Variants in RBL1 observed in about 807,000 individuals in gnomAD.
RBL1 encodes the protein retinoblastoma-like protein 1.
Under a neutral mutation model 123.0 loss-of-function variants are expected in RBL1, and 82 were observed. The observed-to-expected ratio is 0.67, with a 90% CI of 0.56 to 0.80. The LOEUF (loss-of-function observed/expected upper bound fraction) is 0.80, where lower values mean the gene tolerates loss of function less well. RBL1 is among the 30% of genes least tolerant of loss of function. RBL1 has a pLI of 0.00. For synonymous variants in RBL1, 405 were observed against 441.3 expected (o/e 0.92, Z 1.03); for missense variants, 1,171 against 1,299.6 (o/e 0.90, Z 1.52).
chr20:37,078,693 C>A (rs1345457716), intron 2 of RBL1, among the ~76,000 whole-genome samples: 1 of 152,090 alleles, frequency 6.6e-6, no homozygotes, highest in Non-Finnish European at 1.5e-5. Flanking sequence ...GATGACACTT[C>A]TAAGAGATGC....
chr20:37,043,238 C>A (rs979856266), intron 13 of RBL1, among the ~76,000 whole-genome samples: 5 of 151,560 alleles, frequency 3.3e-5, no homozygotes, highest in Admixed American at 3.3e-4. Context: ...CCTCTAATCC[C>A]AGCACTTTGG....
At chr20:37,047,283 C>A in intron 11 of RBL1, 93 bp from the exon 12 acceptor site, 1 of 1,422,010 alleles carries the variant, frequency 7.0e-7, no homozygotes, top group South Asian at 1.4e-5. Flanking sequence ...GAAAAAATAA[C>A]GTGCAAATTA....
chr20:37,048,341 G>C (rs1023755174), intron 11 of RBL1, among the ~76,000 whole-genome samples: 1 of 152,138 alleles, frequency 6.6e-6, no homozygotes, highest in African/African-American at 2.4e-5. Flanking sequence ...GTCTCCACAG[G>C]AATCTACAGG....
chr20:37,085,065 C>T (rs1351954085), intron 2 of RBL1, among the ~76,000 whole-genome samples: 1 of 151,786 alleles, frequency 6.6e-6, no homozygotes, highest in Non-Finnish European at 1.5e-5. Context: ...CTGCGCCTGG[C>T]CAGAAGAAAT....
At position 36,997,084 on chromosome 20, in the gene RBL1, CAT is replaced by C. The variant is rs1209670231; in HGVS notation, c.*1673_*1674del. On this transcript the variant is annotated 3_prime_UTR_variant, in exon 22 of 22. Coordinates refer to ENST00000373664, the MANE Select transcript of RBL1 (RefSeq NM_002895.5). ...CAAAATTAAGGTTTGCAGTTAGAAA[CAT>C]AAACATTTGATAAAACTTCTCAAAA... The C allele has an allele frequency of 2.0e-5, 3 of 152,290 alleles. No individual in the cohort carries two copies. The highest frequency in any genetic ancestry group is 7.2e-5 in the African/African-American group (3 of 41,564). 9.4% of individuals were successfully genotyped at this position (152,290 alleles called of 1,614,324 possible). A position where few individuals can be genotyped will look rare whatever the true frequency, so the allele number is the denominator to read the frequency against.
At chr20:37,001,081 T>G (rs1156376274) in intron 21 of RBL1, among the ~76,000 whole-genome samples, 1 of 129,656 alleles carries the variant, frequency 7.7e-6, no homozygotes, top group Admixed American at 8.0e-5. Context: ...GGCGGGGAGG[T>G]CAGCCCCCCG....
intron 7 of RBL1, among the ~76,000 whole-genome samples, chr20:37,063,304 G>A (rs1257685675): frequency 2.0e-5 from 3 of 151,860 alleles, no homozygotes; most frequent in Non-Finnish European, 4.4e-5. Flanking sequence ...GCCTCCCAAA[G>A]TGCTAGGATT....
chr20:37,085,647 AT>A lies in RBL1; in HGVS notation c.290+3341del, dbSNP rs1202673380. ...AGTTTGTTTCATTATTTGAAATTTG[AT>A]TTTTTTTTTTTTTTTTTTTTTTTGA... On this transcript the variant is annotated intron_variant, in intron 2 of 21. Coordinates refer to ENST00000373664, the MANE Select transcript of RBL1 (RefSeq NM_002895.5). Among the ~76,000 whole-genome samples, 793 of 84,582 alleles carry A rather than the reference AT, an allele frequency of 9.4e-3. 2 individuals are homozygous for A. Among genetic ancestry groups the A allele is most frequent in the African/African-American group, 0.03 (630 of 21,212 alleles). 55.5% of individuals were successfully genotyped at this position (84,582 alleles called of 152,430 possible).
chr20:37,068,788 C>A (rs2065225716), intron 2 of RBL1, among the ~76,000 whole-genome samples: 1 of 152,192 alleles, frequency 6.6e-6, no homozygotes, highest in Admixed American at 6.5e-5. Flanking sequence ...ACAGCCTGAG[C>A]AACATGAAGA....
chr20:37,003,761 C>T lies in RBL1; in HGVS notation c.2977G>A (p.Gly993Arg), dbSNP rs370852796. 114 of 1,613,904 alleles carry T rather than the reference C, an allele frequency of 7.1e-5. No homozygotes were observed. The highest frequency in any genetic ancestry group is 9.0e-5 in the Non-Finnish European group (106 of 1,179,964). The change falls in exon 21 of 22, where the codon GGG becomes AGG. Residue 993 changes from glycine (G) to arginine (R), a missense_variant. By Grantham distance (125) the Gly-to-Arg change is moderately radical. Coordinates refer to ENST00000373664, the MANE Select transcript of RBL1 (RefSeq NM_002895.5). The part of the protein sequence containing the change: ...HSIYISPHKN[G>R]SGLTPRSALL... ...GCGCTTCTTGGTGTAAGGCCTGACC[C>T]ATTCTTGTGCGGGGAAATATAAATG...
At chr20:37,065,583 G>A in intron 6 of RBL1, 110 bp from the exon 7 acceptor site, 1 of 625,344 alleles carries the variant, frequency 1.6e-6, no homozygotes, top group South Asian at 2.7e-5. Flanking sequence ...ACACAAAACA[G>A]AATTATTAAA....
intron 11 of RBL1, among the ~76,000 whole-genome samples, chr20:37,055,309 G>GAA (rs59560599): frequency 3.5e-4 from 29 of 83,900 alleles, no homozygotes; most frequent in East Asian, 7.3e-4. Context: ...ATGAAGGACA[G>GAA]AAAAAAAAAA....
chr20:37,001,522 T>C (rs879382412), intron 21 of RBL1, among the ~76,000 whole-genome samples: 1,046 of 144,834 alleles, frequency 7.2e-3, no homozygotes, highest in Non-Finnish European at 0.01. Context: ...GGATTAAGGG[T>C]GGTGCAAGAT....
chr20:37,029,242 A>C (rs532703490), intron 16 of RBL1, among the ~76,000 whole-genome samples: 189 of 152,310 alleles, frequency 1.2e-3, no homozygotes, highest in African/African-American at 4.4e-3. Context: ...CTTGGTATAC[A>C]CAGGAGATTT....
rs2064828979 is a variant in RBL1, at chr20:37,047,122, G to A, written c.1536C>T (p.Ala512=). ...AAGGAAAAGTACGAGGTGAGCTATA[G>A]GCAAAGAGCACAATTTCCAAACAAC... ...MACCLEIVLF[A]YSSPRTFPWI... Residue 512 remains alanine (A), a synonymous_variant, in exon 12 of 22, where the codon GCC becomes GCT. Transcript: ENST00000373664. 1 of 1,606,616 alleles carries A rather than the reference G, an allele frequency of 6.2e-7. No homozygotes were observed. Among genetic ancestry groups the A allele is most frequent in the Non-Finnish European group, 8.5e-7 (1 of 1,178,622 alleles).
At chr20:37,065,564 A>G in intron 6 of RBL1, 91 bp from the exon 7 acceptor site, 4 of 778,694 alleles carry the variant, frequency 5.1e-6, no homozygotes, top group South Asian at 1.9e-5. Flanking sequence ...CCATATTGTT[A>G]TAACACACAC....
At chr20:37,006,439 C>T (rs1412161453) in intron 20 of RBL1, among the ~76,000 whole-genome samples, 3 of 145,488 alleles carry the variant, frequency 2.1e-5, no homozygotes, top group Non-Finnish European at 3.0e-5. Context: ...GTGATCCGCC[C>T]GCCTAGGCCT....
chr20:37,086,167 C>A (rs535454551), intron 2 of RBL1, among the ~76,000 whole-genome samples: 84 of 152,240 alleles, frequency 5.5e-4, no homozygotes, highest in African/African-American at 2.0e-3. Flanking sequence ...CAAACATTGA[C>A]AGAAAAAGAT....
At chr20:37,012,124 C>T (rs554007974) in intron 19 of RBL1, among the ~76,000 whole-genome samples, 11 of 152,360 alleles carry the variant, frequency 7.2e-5, no homozygotes, top group East Asian at 3.9e-4. Flanking sequence ...CTCGGCCTGC[C>T]GAGGTGCCGG....
Sources: allele counts gnomAD v4.1 joint callset (sites outside exome capture counted in the v4.1 genomes callset), GRCh38; gene constraint gnomAD v4.1.1; transcripts MANE v1.5; gene names NCBI Gene and HGNC (gene_info 2026-07-23, HGNC 2026-07-21).